The following CADM2 variants were observed in gnomAD, a reference collection of about 807,000 sequenced individuals.
The protein encoded by CADM2 is immunoglobulin superfamily member 4D.
Under a neutral mutation model 49.8 loss-of-function variants are expected in CADM2, and 12 were observed. The ratio of observed to expected loss-of-function variants is 0.24; its 90% CI spans 0.15 to 0.39. The LOEUF (loss-of-function observed/expected upper bound fraction) is 0.39. Among genes scored for constraint, CADM2 ranks in the 10% least tolerant of loss-of-function variants. The pLI, the probability that CADM2 is intolerant of heterozygous loss-of-function variation, is 1.00. For missense variants in CADM2, 378 were observed against 492.3 expected (o/e 0.77, Z 2.20); for synonymous variants, 214 against 175.4 (o/e 1.22, Z -1.74).
intron 1 of CADM2, among the ~76,000 whole-genome samples, chr3:85,159,913 T>G (rs1350006244): frequency 6.6e-6 from 1 of 152,204 alleles, no homozygotes; most frequent in Admixed American, 6.5e-5. Context: ...AATCCATGCT[T>G]TTCATATTTG....
chr3:85,642,307 A>G (rs1187333338), intron 1 of CADM2, among the ~76,000 whole-genome samples: 1 of 152,204 alleles, frequency 6.6e-6, no homozygotes, highest in Non-Finnish European at 1.5e-5. Context: ...TTTAAACCTA[A>G]GAGATACTGG....
chr3:85,424,151 C>A (rs2036293550), intron 1 of CADM2, among the ~76,000 whole-genome samples: 2 of 151,890 alleles, frequency 1.3e-5, no homozygotes, highest in African/African-American at 4.8e-5. Flanking sequence ...AAGTCTATTT[C>A]TATAGAGAAA....
chr3:85,722,825 T>A (rs1192383230), intron 1 of CADM2, among the ~76,000 whole-genome samples: 1 of 152,176 alleles, frequency 6.6e-6, no homozygotes, highest in Non-Finnish European at 1.5e-5. Context: ...AGTCCCTGAA[T>A]TCCATTTCAA....
intron 1 of CADM2, among the ~76,000 whole-genome samples, chr3:85,640,439 A>G (rs562640080): frequency 6.4e-4 from 97 of 152,318 alleles, no homozygotes; most frequent in African/African-American, 2.2e-3. Flanking sequence ...AGTAATGTTT[A>G]TATAGAAGAG....
intron 1 of CADM2, among the ~76,000 whole-genome samples, chr3:85,318,719 C>T (rs947459820): frequency 3.9e-5 from 6 of 152,046 alleles, no homozygotes; most frequent in African/African-American, 1.4e-4. Flanking sequence ...AAAACTGTGA[C>T]TTAGATCACT....
At chr3:86,019,593 C>A (rs1451838844) in intron 8 of CADM2, among the ~76,000 whole-genome samples, 14 of 150,652 alleles carry the variant, frequency 9.3e-5, no homozygotes, top group African/African-American at 3.4e-4. Flanking sequence ...AGGTCCTTCA[C>A]ATCCCTTGTA....
intron 2 of CADM2, among the ~76,000 whole-genome samples, chr3:85,763,121 A>G (rs2069474251): frequency 6.6e-6 from 1 of 152,160 alleles, no homozygotes; most frequent in South Asian, 2.1e-4. Context: ...TTCCCACTTG[A>G]AAACTAGCAT....
At chr3:86,026,840 A>G (rs2107110785) in intron 8 of CADM2, among the ~76,000 whole-genome samples, 1 of 152,298 alleles carries the variant, frequency 6.6e-6, no homozygotes, top group Non-Finnish European at 1.5e-5. Context: ...TACTTCATGA[A>G]TTGGTGTAGA....
At chr3:85,079,790 G>A (rs563359405) in intron 1 of CADM2, among the ~76,000 whole-genome samples, 4 of 151,724 alleles carry the variant, frequency 2.6e-5, no homozygotes, top group Non-Finnish European at 4.4e-5. Flanking sequence ...TAAATTTTAC[G>A]TATATTTGTT....
intron 2 of CADM2, among the ~76,000 whole-genome samples, chr3:85,769,503 GTATATATACACGTA>G (rs2069920391): frequency 3.8e-5 from 1 of 26,340 alleles, no homozygotes; most frequent in Non-Finnish European, 6.8e-5. Flanking sequence ...ATACATATAT[GTATATATACACGTA>G]TATACATATA....
chr3:85,554,799 T>TCCTCTTACCTCAA (rs1553741488), intron 1 of CADM2, among the ~76,000 whole-genome samples: 1 of 151,712 alleles, frequency 6.6e-6, no homozygotes, highest in Non-Finnish European at 1.5e-5. Context: ...GCTCAGGCAA[T>TCCTCTTACCTCAA]CCTCCCGAGT....
intron 1 of CADM2, among the ~76,000 whole-genome samples, chr3:85,153,824 G>A (rs1286608121): frequency 6.6e-6 from 1 of 152,122 alleles, no homozygotes; most frequent in Non-Finnish European, 1.5e-5. Context: ...CCCCAGCAGG[G>A]GCAGACTGAC....
intron 8 of CADM2, chr3:86,013,149 C>T (rs1731768902): frequency 3.0e-6 from 4 of 1,345,548 alleles, no homozygotes; most frequent in African/African-American, 1.4e-5. Flanking sequence ...ACACAGAAAA[C>T]GAATAAAAGA....
At chr3:85,783,681 C>T (rs1206560786) in intron 2 of CADM2, among the ~76,000 whole-genome samples, 7 of 152,148 alleles carry the variant, frequency 4.6e-5, no homozygotes, top group Non-Finnish European at 8.8e-5. Context: ...AAGTAGCTAT[C>T]ATGGTATTAT....
intron 1 of CADM2, among the ~76,000 whole-genome samples, chr3:85,070,912 C>T (rs1394280150): frequency 6.6e-6 from 1 of 151,744 alleles, no homozygotes; most frequent in Non-Finnish European, 1.5e-5. Context: ...TGGCGTGAAC[C>T]CAGGAGGCGG....
At chr3:86,030,553 A>G (rs1299994184) in intron 8 of CADM2, among the ~76,000 whole-genome samples, 1 of 151,988 alleles carries the variant, frequency 6.6e-6, no homozygotes, top group African/African-American at 2.4e-5. Flanking sequence ...TTAAATATGA[A>G]TGTTAAATTG....
chr3:85,907,085 C>T (rs190382057), intron 5 of CADM2, among the ~76,000 whole-genome samples: 56 of 152,298 alleles, frequency 3.7e-4, no homozygotes, highest in Admixed American at 2.2e-3. Flanking sequence ...CAGTTCTCCA[C>T]TGAGTTCGTT....
intron 3 of CADM2, among the ~76,000 whole-genome samples, chr3:85,847,222 C>T (rs2074920749): frequency 6.6e-6 from 1 of 152,194 alleles, no homozygotes; most frequent in Admixed American, 6.5e-5. Flanking sequence ...AAATCTAGAA[C>T]ACACTAAGAG....
In CADM2 at chr3:86,030,546, A is replaced by C. The variant is rs187518712; in HGVS notation, c.971-35059A>C. On this transcript the variant is annotated intron_variant, in intron 8 of 9. Transcript: ENST00000383699. ...TCCATATCACAGAATGTGGTAATTAAATATGAATGTTAAATTGGTTTACTG... is the reference window on the plus strand; with the variant it reads ...TCCATATCACAGAATGTGGTAATTACATATGAATGTTAAATTGGTTTACTG... Among the ~76,000 whole-genome samples the C allele has an allele frequency of 1.4e-4, 22 of 152,090 alleles. No individual in the cohort carries two copies. The East Asian group carries it at 4.2e-3, about 29-fold the overall frequency.
Sources: gnomAD v4.1 joint callset for allele counts (sites outside exome capture counted in the v4.1 genomes callset) on GRCh38, gnomAD v4.1.1 for gene constraint, MANE v1.5 for transcripts, NCBI Gene and HGNC (gene_info 2026-07-23, HGNC 2026-07-21) for gene names.